HIPK2: variants seen among roughly 807,000 people sequenced by gnomAD.
The protein encoded by HIPK2 is homeodomain-interacting protein kinase 2.
Under a neutral mutation model 113.7 loss-of-function variants are expected in HIPK2, and 27 were observed. The observed-to-expected ratio is 0.24, with a 90% CI of 0.17 to 0.33. The LOEUF is 0.33. HIPK2 is among the 10% of genes least tolerant of loss of function. The pLI, the probability that HIPK2 is intolerant of heterozygous loss-of-function variation, is 1.00. For synonymous variants in HIPK2, 631 were observed against 642.2 expected, an observed-to-expected ratio of 0.98 and a Z score of 0.26; for missense variants, 1,257 against 1,588.0, an observed-to-expected ratio of 0.79 and a Z score of 3.54.
intron 13 of HIPK2, among the ~76,000 whole-genome samples, chr7:139,577,794 G>C (rs1353267863): frequency 6.6e-6 from 1 of 152,100 alleles, no homozygotes; most frequent in Non-Finnish European, 1.5e-5. Context: ...TGGGGCTGGG[G>C]GCTGTCCTGC....
At chr7:139,725,402 C>T (rs1013105076) in intron 1 of HIPK2, among the ~76,000 whole-genome samples, 5 of 152,160 alleles carry the variant, frequency 3.3e-5, no homozygotes, top group African/African-American at 4.8e-5. Flanking sequence ...ATGGCGGGAG[C>T]GGCCAGCACT....
At chr7:139,681,508 C>A (rs781642314) in intron 2 of HIPK2, among the ~76,000 whole-genome samples, 3 of 152,180 alleles carry the variant, frequency 2.0e-5, no homozygotes, top group Non-Finnish European at 2.9e-5. Context: ...CTATAATCAG[C>A]GCCAGTGCTG....
At chr7:139,676,531 G>C (rs138243981) in intron 2 of HIPK2, among the ~76,000 whole-genome samples, 1 of 152,248 alleles carries the variant, frequency 6.6e-6, no homozygotes, top group Non-Finnish European at 1.5e-5. Context: ...CAGATACTGG[G>C]TATACAAAGT....
rs201702315 is a variant in HIPK2 at position 139,751,231 on chromosome 7, T to TA, written c.19+26373dup. 4.8e-3 allele frequency among the ~76,000 whole-genome samples: 735 copies of TA among 151,646 alleles called. 4 individuals are homozygous for TA. The highest frequency in any genetic ancestry group is 0.017 in the African/African-American group (711 of 41,354). The stretch of plus-strand genomic sequence containing the variant: ...AACACTACAATCAGAGTGAAACATT[T>TA]AAAAAAAAATGAACATGTTGAAGCA... On this transcript the variant is annotated intron_variant, in intron 1 of 14. Transcript: ENST00000406875.
At chr7:139,609,208 G>T (rs1486319279) in intron 9 of HIPK2, among the ~76,000 whole-genome samples, 1 of 152,190 alleles carries the variant, frequency 6.6e-6, no homozygotes, top group Non-Finnish European at 1.5e-5. Context: ...GGCTTGGGAG[G>T]ATGGAGTTGA....
At chr7:139,588,924 C>T (rs150434191) in intron 12 of HIPK2, among the ~76,000 whole-genome samples, 9 of 152,298 alleles carry the variant, frequency 5.9e-5, no homozygotes, top group East Asian at 3.9e-4. Flanking sequence ...GAGGAGATGG[C>T]GCTGCCCTGC....
intron 1 of HIPK2, among the ~76,000 whole-genome samples, chr7:139,750,330 A>G (rs753685092): frequency 2.6e-5 from 4 of 152,200 alleles, no homozygotes; most frequent in Admixed American, 2.0e-4. Context: ...ACAGATGTCA[A>G]CCTTACCAGG....
At chr7:139,731,199 G>A (rs1299631051) in intron 1 of HIPK2, among the ~76,000 whole-genome samples, 6 of 152,162 alleles carry the variant, frequency 3.9e-5, no homozygotes, top group Non-Finnish European at 7.3e-5. Flanking sequence ...TATAACAATC[G>A]CAAAGTGACG....
intron 11 of HIPK2, 69 bp from the exon 12 acceptor site, chr7:139,597,067 A>G (rs568805558): frequency 1.3e-6 from 2 of 1,493,948 alleles, no homozygotes; most frequent in Admixed American, 4.0e-5. Flanking sequence ...AAGGAGCCCA[A>G]TTGCCTAGAA....
intron 6 of HIPK2, 131 bp from the exon 7 acceptor site, chr7:139,620,694 A>T (rs1213807759): frequency 1.7e-6 from 2 of 1,208,718 alleles, no homozygotes; most frequent in Non-Finnish European, 1.2e-6. Context: ...AGGGAAACTA[A>T]ACTTTAGGTC....
At chr7:139,713,164 T>A (rs945447944) in intron 2 of HIPK2, among the ~76,000 whole-genome samples, 3 of 151,464 alleles carry the variant, frequency 2.0e-5, no homozygotes, top group Non-Finnish European at 4.4e-5. Context: ...TGTCACGAAG[T>A]GGGGAAAAGA....
At chr7:139,747,971 G>A (rs1796216397) in intron 1 of HIPK2, among the ~76,000 whole-genome samples, 1 of 152,206 alleles carries the variant, frequency 6.6e-6, no homozygotes, top group East Asian at 1.9e-4. Context: ...ACATCAGTAC[G>A]GAAAGCTCTA....
chr7:139,741,193 AGAGTTGGTGAGGAAAG>A (rs1340466616), intron 1 of HIPK2, among the ~76,000 whole-genome samples: 2 of 152,174 alleles, frequency 1.3e-5, no homozygotes, highest in African/African-American at 4.8e-5. Context: ...GGGTTGGTGA[AGAGTTGGTGAGGAAAG>A]GAGGATTTCT....
chr7:139,692,074 A>G (rs955797322), intron 2 of HIPK2, among the ~76,000 whole-genome samples: 1 of 152,230 alleles, frequency 6.6e-6, no homozygotes, highest in Non-Finnish European at 1.5e-5. Context: ...CATTACAGGC[A>G]TATCAGTAGA....
rs1015857977 is a variant in HIPK2 at position 139,766,859 on chromosome 7, C to T, written c.19+10746G>A. 2.6e-5 allele frequency among the ~76,000 whole-genome samples: 4 copies of T among 152,070 alleles called. No individual in the cohort carries two copies. In the South Asian group the frequency reaches 8.3e-4, roughly 32 times the overall value. On this transcript the variant is annotated intron_variant, in intron 1 of 14. Transcript: ENST00000406875. The stretch of plus-strand genomic sequence containing the variant: ...ATATTTGGCCCATTTTATTCTGGGG[C>T]CCCAAGACCAAACTGGATGAACTAC...
chr7:139,612,385 G>A (rs764368528), intron 9 of HIPK2, among the ~76,000 whole-genome samples: 6 of 152,140 alleles, frequency 3.9e-5, no homozygotes, highest in Non-Finnish European at 7.4e-5. Context: ...TACAGAAGTA[G>A]TATAGCTTGG....
In HIPK2 at chr7:139,568,459, G is replaced by C; in HGVS notation, c.*4468C>G. On this transcript the variant is annotated 3_prime_UTR_variant, in exon 15 of 15. Transcript: ENST00000406875. ...ATCATGAAGAGGCCCTAAGCACAGA[G>C]ACATGGGGGCCCACGTCCAGACGGG... The C allele has an allele frequency of 6.6e-6, 1 of 152,286 alleles. No individual in the cohort carries two copies. Among genetic ancestry groups the C allele is most frequent in the East Asian group, 1.9e-4 (1 of 5,192 alleles). 9.4% of individuals were successfully genotyped at this position (152,286 alleles called of 1,614,324 possible).
intron 2 of HIPK2, among the ~76,000 whole-genome samples, chr7:139,675,392 G>T (rs1802463261): frequency 6.6e-6 from 1 of 152,070 alleles, no homozygotes. Flanking sequence ...AGTGAGCAAG[G>T]CCACAGGTAC....
At chr7:139,720,122 T>C (rs1795366363) in intron 1 of HIPK2, among the ~76,000 whole-genome samples, 1 of 152,258 alleles carries the variant, frequency 6.6e-6, no homozygotes, top group African/African-American at 2.4e-5. Context: ...ATGTCTCTTA[T>C]ACTTCCTATC....
Sources: allele counts gnomAD v4.1 joint callset (sites outside exome capture counted in the v4.1 genomes callset), GRCh38; gene constraint gnomAD v4.1.1; transcripts MANE v1.5; gene names NCBI Gene and HGNC (gene_info 2026-07-23, HGNC 2026-07-21).